Variants in HERC3 observed in about 807,000 individuals in gnomAD.
The protein encoded by HERC3 is HECT and RLD domain containing E3 ubiquitin protein ligase 3.
Under a neutral mutation model 129.9 loss-of-function variants are expected in HERC3, and 58 were observed. That is an observed-to-expected ratio of 0.45 (90% CI 0.36 to 0.56). HERC3 has a LOEUF of 0.56. HERC3 is among the 20% of genes least tolerant of loss of function. HERC3 has a pLI of 0.00. For synonymous variants in HERC3, 430 were observed against 451.0 expected (o/e 0.95, Z 0.59); for missense variants, 835 against 1,244.2 (o/e 0.67, Z 4.95).
At chr4:88,635,965 C>T (rs1311960930) in intron 3 of HERC3, among the ~76,000 whole-genome samples, 1 of 152,108 alleles carries the variant, frequency 6.6e-6, no homozygotes, top group African/African-American at 2.4e-5. Flanking sequence ...AATTTGCCAC[C>T]ACCAGGACTG....
At chr4:88,588,581 A>G (rs1260276138), upstream of HERC3, among the ~76,000 whole-genome samples, 3 of 152,218 alleles carry the variant, frequency 2.0e-5, no homozygotes, top group African/African-American at 7.2e-5. Context: ...TCAATGGTGT[A>G]TCTGAGAGAC....
At chr4:88,668,970 A>T (rs1013793886) in intron 14 of HERC3, among the ~76,000 whole-genome samples, 1 of 152,190 alleles carries the variant, frequency 6.6e-6, no homozygotes. Context: ...TTGATGTGAA[A>T]CAGAGAGGTG....
At chr4:88,529,344 C>G in the HERC3 span, among the ~76,000 whole-genome samples, 87 of 152,288 alleles carry the variant, frequency 5.7e-4, no homozygotes, top group Non-Finnish European at 1.0e-3. Context: ...CAAGTACTAG[C>G]TACTCAGGAG....
chr4:88,579,854 G>A, the HERC3 span, among the ~76,000 whole-genome samples: 1 of 152,174 alleles, frequency 6.6e-6, no homozygotes, highest in Non-Finnish European at 1.5e-5. Flanking sequence ...GAGAGTCGAA[G>A]TTAGGAGAAG....
upstream of HERC3, among the ~76,000 whole-genome samples, chr4:88,591,934 C>T: frequency 6.6e-6 from 1 of 152,026 alleles, no homozygotes; most frequent in East Asian, 1.9e-4. Flanking sequence ...CAGAAGAGCG[C>T]CGGCGGCTGC....
intron 3 of HERC3, among the ~76,000 whole-genome samples, chr4:88,621,255 C>T (rs1005195997): frequency 7.2e-5 from 11 of 151,980 alleles, no homozygotes; most frequent in Admixed American, 2.6e-4. Context: ...TACAGGTGCC[C>T]GCCACCATAC....
intron 23 of HERC3, among the ~76,000 whole-genome samples, chr4:88,700,948 T>C (rs1400981593): frequency 1.3e-5 from 2 of 152,190 alleles, no homozygotes; most frequent in Non-Finnish European, 2.9e-5. Context: ...GTAACCTGCT[T>C]TACTCAAAGT....
At chr4:88,601,827 C>T (rs1015162838) in intron 2 of HERC3, among the ~76,000 whole-genome samples, 1 of 91,954 alleles carries the variant, frequency 1.1e-5, no homozygotes, top group Admixed American at 9.2e-5. Context: ...GAGGCCGAGG[C>T]GGGCGGATCA....
chr4:88,623,140 T>C (rs978234131), intron 3 of HERC3, among the ~76,000 whole-genome samples: 2 of 152,214 alleles, frequency 1.3e-5, no homozygotes, highest in Admixed American at 1.3e-4. Flanking sequence ...AAACTTAACA[T>C]CAGATTCACC....
At chr4:88,644,376 G>C (rs1728467932) in intron 3 of HERC3, among the ~76,000 whole-genome samples, 1 of 152,048 alleles carries the variant, frequency 6.6e-6, no homozygotes, top group Admixed American at 6.6e-5. Context: ...CTAAAAACTG[G>C]GAACAGTGCT....
At chr4:88,680,463 A>G (rs1254613730) in intron 20 of HERC3, among the ~76,000 whole-genome samples, 1 of 152,250 alleles carries the variant, frequency 6.6e-6, no homozygotes, top group Non-Finnish European at 1.5e-5. Context: ...TCTAGTAGGT[A>G]AGATCCAAGT....
intron 16 of HERC3, among the ~76,000 whole-genome samples, chr4:88,671,594 G>GCTCACTGCAAC (rs1731618860): frequency 6.6e-6 from 1 of 152,094 alleles, no homozygotes; most frequent in Non-Finnish European, 1.5e-5. Context: ...CACCATCTTG[G>GCTCACTGCAAC]CTCACTGCAA....
At chr4:88,665,574 T>G (rs1480214081) in intron 12 of HERC3, among the ~76,000 whole-genome samples, 1 of 152,204 alleles carries the variant, frequency 6.6e-6, no homozygotes, top group Non-Finnish European at 1.5e-5. Flanking sequence ...TAGTCACTAA[T>G]TCAAATGCCA....
chr4:88,573,848 TG>T, the HERC3 span, among the ~76,000 whole-genome samples: 2 of 152,216 alleles, frequency 1.3e-5, no homozygotes, highest in Non-Finnish European at 2.9e-5. Context: ...GTCAGTCTGT[TG>T]CTAGGATCTA....
At chr4:88,555,494 G>A in the HERC3 span, among the ~76,000 whole-genome samples, 1 of 152,092 alleles carries the variant, frequency 6.6e-6, no homozygotes, top group Non-Finnish European at 1.5e-5. Context: ...GTTTACAAGT[G>A]GCTCTTGGGT....
chr4:88,558,152 A>G, the HERC3 span, among the ~76,000 whole-genome samples: 3 of 152,058 alleles, frequency 2.0e-5, no homozygotes, highest in African/African-American at 7.2e-5. Context: ...AGTACCAGGT[A>G]TCTACCCAAA....
At position 88,593,298 on chromosome 4, in the gene HERC3, C is replaced by T. The variant is rs151058687; in HGVS notation, c.-88+724C>T. 993 of 152,804 alleles carry T rather than the reference C, an allele frequency of 6.5e-3. 9 individuals are homozygous for T. The highest frequency in any genetic ancestry group is 0.012 in the Admixed American group (184 of 15,298). 9.5% of individuals were successfully genotyped at this position (152,804 alleles called of 1,614,324 possible). On this transcript the variant is annotated intron_variant, in intron 1 of 25. Coordinates refer to ENST00000402738, the MANE Select transcript of HERC3 (RefSeq NM_014606.3). ...GTGTACGCCGACACGTCGGTGCGGA[C>T]CGACGCGGGGGTGTCAGGAGCTGGG...
At chr4:88,584,774 A>C in the HERC3 span, among the ~76,000 whole-genome samples, 1 of 152,198 alleles carries the variant, frequency 6.6e-6, no homozygotes, top group Non-Finnish European at 1.5e-5. Flanking sequence ...TGAGCCAGTA[A>C]GTTTCTGTTC....
the HERC3 span, among the ~76,000 whole-genome samples, chr4:88,582,032 A>C: frequency 3.9e-5 from 6 of 152,188 alleles, no homozygotes; most frequent in Non-Finnish European, 8.8e-5. Context: ...ATTTGATGTC[A>C]ACCCCGTATA....
Sources: gnomAD v4.1 joint callset for allele counts (sites outside exome capture counted in the v4.1 genomes callset) on GRCh38, gnomAD v4.1.1 for gene constraint, MANE v1.5 for transcripts, NCBI Gene and HGNC (gene_info 2026-07-23, HGNC 2026-07-21) for gene names.